Variants in PLCL2 observed in about 807,000 individuals in gnomAD.
The protein encoded by PLCL2 is inactive phospholipase C-like protein 2.
In PLCL2, 4 loss-of-function variants were observed where a neutral mutation model predicts 79.6. That is an observed-to-expected ratio of 0.05 (90% confidence interval 0.02 to 0.11). The LOEUF is 0.11. PLCL2 is among the 10% of genes least tolerant of loss of function. The pLI is 1.00. For missense variants in PLCL2, 895 were observed against 1,291.0 expected (o/e 0.69, Z 4.70); for synonymous variants, 484 against 457.7 (o/e 1.06, Z -0.73).
intron 2 of PLCL2, among the ~76,000 whole-genome samples, chr3:17,013,554 A>C (rs1440218016): frequency 6.6e-6 from 1 of 152,234 alleles, no homozygotes; most frequent in Admixed American, 6.5e-5. Flanking sequence ...TGTAACTGTC[A>C]ATATCAAAGT....
chr3:17,082,221 G>T (rs2065170119), intron 5 of PLCL2, among the ~76,000 whole-genome samples: 1 of 138,748 alleles, frequency 7.2e-6, no homozygotes, highest in East Asian at 2.2e-4. Context: ...TCAGCTCACT[G>T]CAACCTTTGC....
At chr3:17,084,429 T>C (rs758030581) in intron 5 of PLCL2, among the ~76,000 whole-genome samples, 6 of 152,168 alleles carry the variant, frequency 3.9e-5, no homozygotes, top group Non-Finnish European at 7.3e-5. Context: ...CCTAACTCAT[T>C]CTACCAACCC....
chr3:16,896,494 A>G (rs1481036659), intron 1 of PLCL2, among the ~76,000 whole-genome samples: 1 of 152,188 alleles, frequency 6.6e-6, no homozygotes, highest in African/African-American at 2.4e-5. Flanking sequence ...TGTTTAGTGT[A>G]GTTTTGAGCT....
intron 1 of PLCL2, among the ~76,000 whole-genome samples, chr3:16,971,710 C>A (rs202020455): frequency 0.095 from 14,466 of 152,060 alleles, 1,301 homozygotes; most frequent in East Asian, 0.48. Context: ...TTGTTTGTAT[C>A]CTCTTTTATT....
intron 1 of PLCL2, among the ~76,000 whole-genome samples, chr3:16,987,593 G>A (rs1399520483): frequency 2.0e-5 from 3 of 152,068 alleles, no homozygotes; most frequent in Non-Finnish European, 4.4e-5. Context: ...TCTGTGTTTA[G>A]AATTGGACAA....
chr3:17,013,006 GT>G (rs960857705), intron 2 of PLCL2, among the ~76,000 whole-genome samples: 2 of 152,290 alleles, frequency 1.3e-5, no homozygotes, highest in African/African-American at 4.8e-5. Context: ...AAAATTCAAC[GT>G]TTTTTCCCTA....
rs114728565 is a variant in PLCL2 at position 17,081,515 on chromosome 3, C to T, written c.3205-8218C>T. 1,298 of 250,502 alleles carry T rather than the reference C, an allele frequency of 5.2e-3. 18 individuals carry two copies. The highest frequency in any genetic ancestry group is 0.027 in the African/African-American group (1,183 of 44,202). 15.5% of individuals were successfully genotyped at this position (250,502 alleles called of 1,614,324 possible). ...TAGAATCCCTGTTGTTTTGCCCCTA[C>T]GTCTGAATAAAAGCAATGACTTGTG... On this transcript the variant is annotated intron_variant, in intron 5 of 5. Coordinates refer to ENST00000615277, the MANE Select transcript of PLCL2 (RefSeq NM_001144382.2).
At position 16,968,406 on chromosome 3, in the gene PLCL2, G is replaced by A. The variant is rs139518111; in HGVS notation, c.328-41268G>A. Among the ~76,000 whole-genome samples, 5 of 152,144 alleles carry A rather than the reference G, an allele frequency of 3.3e-5. No homozygotes were observed. In the East Asian group the frequency reaches 9.6e-4, roughly 29 times the overall value. ...ATTGATTCTTCCTATCCATGAGCAT[G>A]GAATGTTTTTCCATTTGTTTGTGTC... is the stretch of plus-strand genomic sequence containing the variant. On this transcript the variant is annotated intron_variant, in intron 1 of 5. Coordinates refer to ENST00000615277, the MANE Select transcript of PLCL2 (RefSeq NM_001144382.2).
intron 1 of PLCL2, among the ~76,000 whole-genome samples, chr3:16,890,873 T>C (rs548506973): frequency 6.6e-6 from 1 of 152,320 alleles, no homozygotes; most frequent in South Asian, 2.1e-4. Flanking sequence ...TTCCATAGCT[T>C]TAGGGTGCCC....
intron 3 of PLCL2, among the ~76,000 whole-genome samples, chr3:17,034,006 G>T (rs2064614496): frequency 6.6e-6 from 1 of 152,150 alleles, no homozygotes; most frequent in South Asian, 2.1e-4. Flanking sequence ...TCATACTGCA[G>T]TTACAGCCGA....
chr3:16,960,577 AC>A (rs2063745649), intron 1 of PLCL2, among the ~76,000 whole-genome samples: 1 of 98,540 alleles, frequency 1.0e-5, no homozygotes, highest in Admixed American at 9.9e-5. Context: ...AATTTTAGTT[AC>A]GTTAAGTCCT....
chr3:17,088,958 T>C (rs576737534), intron 5 of PLCL2, among the ~76,000 whole-genome samples: 286 of 152,354 alleles, frequency 1.9e-3, no homozygotes, highest in African/African-American at 6.6e-3. Context: ...GCTGAGAAAG[T>C]ATATCCAAAG....
chr3:16,937,615 A>G (rs1697571927), intron 1 of PLCL2, among the ~76,000 whole-genome samples: 1 of 152,226 alleles, frequency 6.6e-6, no homozygotes, highest in Non-Finnish European at 1.5e-5. Context: ...ACCAATTCAG[A>G]TGAAGCACCC....
At chr3:17,063,956 G>A (rs1017447746) in intron 4 of PLCL2, among the ~76,000 whole-genome samples, 49 of 152,116 alleles carry the variant, frequency 3.2e-4, no homozygotes, top group Non-Finnish European at 2.9e-5. Flanking sequence ...CCTGATTTTC[G>A]CCAGCTACTT....
intron 4 of PLCL2, among the ~76,000 whole-genome samples, chr3:17,053,350 T>C (rs1224458338): frequency 6.6e-6 from 1 of 152,062 alleles, no homozygotes; most frequent in Non-Finnish European, 1.5e-5. Flanking sequence ...CCAGATCTCA[T>C]GAGAACTCAA....
intron 1 of PLCL2, among the ~76,000 whole-genome samples, chr3:16,960,964 T>A (rs1303047278): frequency 2.0e-5 from 3 of 152,118 alleles, no homozygotes; most frequent in Non-Finnish European, 2.9e-5. Flanking sequence ...ATAAAGAAAA[T>A]AAGATTTCAA....
At chr3:17,049,285 G>A (rs2064814554) in intron 4 of PLCL2, among the ~76,000 whole-genome samples, 1 of 152,172 alleles carries the variant, frequency 6.6e-6, no homozygotes, top group Non-Finnish European at 1.5e-5. Flanking sequence ...TTTAGAAAGA[G>A]GTTTGGCTTA....
At chr3:17,041,776 C>T (rs893322136) in intron 3 of PLCL2, among the ~76,000 whole-genome samples, 2 of 152,020 alleles carry the variant, frequency 1.3e-5, no homozygotes, top group African/African-American at 4.8e-5. Context: ...GATCCCATCT[C>T]TACAGAAAAT....
chr3:16,894,096 C>A (rs2124916106), intron 1 of PLCL2, among the ~76,000 whole-genome samples: 1 of 152,312 alleles, frequency 6.6e-6, no homozygotes, highest in East Asian at 1.9e-4. Flanking sequence ...ATATGACTCT[C>A]TCCATATGGT....
Sources: gnomAD v4.1 joint callset for allele counts (sites outside exome capture counted in the v4.1 genomes callset) on GRCh38, gnomAD v4.1.1 for gene constraint, MANE v1.5 for transcripts, NCBI Gene and HGNC (gene_info 2026-07-23, HGNC 2026-07-21) for gene names.